EPN3: variants seen among roughly 807,000 people sequenced by gnomAD.
EPN3 encodes epsin-3.
A neutral mutation model predicts 55.5 loss-of-function variants in EPN3; 56 were observed. That is an observed-to-expected ratio of 1.01 (90% CI 0.81 to 1.26). The LOEUF is 1.26. Ranked by LOEUF, EPN3 falls within the 50% of genes most tolerant of loss-of-function variation. EPN3 has a pLI of 0.00. For missense variants in EPN3, 927 were observed against 853.4 expected, an observed-to-expected ratio of 1.09 and a Z score of -1.07; for synonymous variants, 449 against 375.2, an observed-to-expected ratio of 1.20 and a Z score of -2.27.
chr17:50,541,013 C>T lies in EPN3; in HGVS notation c.1200C>T (p.Ser400=). ...ACTCTCCCCACCACAAACTCCCCAG[C>T]ACTGGGGCTGACCCTTGGGGAGCCT... ...ALNSPHHKLP[S]TGADPWGASL... Residue 400 remains serine, a synonymous_variant, in exon 7 of 10, where the codon AGC becomes AGT. Transcript: ENST00000268933. 6.2e-7 allele frequency: 1 copy of T among 1,603,322 alleles called. No homozygotes were observed.
In EPN3 at chr17:50,532,977, G is replaced by A. The variant is rs749594071; in HGVS notation, c.-145G>A. On this transcript the variant is annotated 5_prime_UTR_variant, in exon 1 of 10. Coordinates refer to ENST00000268933, the MANE Select transcript of EPN3 (RefSeq NM_017957.3). ...GCTGGGGCTGGGGCCGAGGGAGCCC[G>A]CACTGGAGGTAAGCTTCCTCCCTGG... 16 of 1,284,662 alleles carry A rather than the reference G, an allele frequency of 1.2e-5. No individual in the cohort carries two copies. The highest frequency in any genetic ancestry group is 2.3e-4 in the Middle Eastern group (1 of 4,440). 79.6% of individuals were successfully genotyped at this position (1,284,662 alleles called of 1,614,324 possible).
Position 50,542,144 on chromosome 17 carries a change from A to G in EPN3, c.1886A>G (p.Asn629Ser), listed in dbSNP as rs904673488. The G allele has an allele frequency of 1.7e-5, 26 of 1,504,718 alleles. No individual in the cohort carries two copies. Among genetic ancestry groups the G allele is most frequent in the Non-Finnish European group, 2.3e-5 (26 of 1,135,774 alleles). 93.2% of individuals were successfully genotyped at this position (1,504,718 alleles called of 1,614,324 possible). Reference protein sequence around the residue: ...PRPPPPQTGTNPFL With the variant: ...PRPPPPQTGTSPFL ...CCCCCGCCCCCGCAGACCGGCACCA[A>G]CCCCTTCCTCTGAGCCCCGCCCCGT... is the stretch of plus-strand genomic sequence containing the variant. The change falls in exon 10 of 10, where the codon AAC becomes AGC. Residue 629 changes from asparagine (N) to serine (S), a missense_variant. Physicochemically the swap from Asn to Ser is conservative, Grantham distance 46. Transcript: ENST00000268933.
Position 50,542,164 on chromosome 17 carries a change from C to A in EPN3, c.*7C>A, listed in dbSNP as rs761774562. The A allele has an allele frequency of 3.6e-5, 54 of 1,487,042 alleles. No homozygotes were observed. The highest frequency in any genetic ancestry group is 1.5e-5 in the African/African-American group (1 of 68,118). The allele number at this position is 1,487,042 out of a possible 1,614,324, so 92.1% of individuals were successfully genotyped here. ...CACCAACCCCTTCCTCTGAGCCCCGCCCCGTCCCATACCGGCCTGCGCCTG... is the reference window on the plus strand; with the variant it reads ...CACCAACCCCTTCCTCTGAGCCCCGACCCGTCCCATACCGGCCTGCGCCTG... On this transcript the variant is annotated 3_prime_UTR_variant, in exon 10 of 10. Coordinates refer to ENST00000268933, the MANE Select transcript of EPN3 (RefSeq NM_017957.3).
In EPN3 at chr17:50,540,232, C is replaced by T; in HGVS notation, c.892-15C>T. ...CCGCCCACTTCTGAGCCGCGGCTGC[C>T]TCTCCCCTCCACAGTCCTCCATCCT... On this transcript the variant is annotated splice_polypyrimidine_tract_variant and intron_variant, in intron 5 of 9. Transcript: ENST00000268933. The T allele has an allele frequency of 6.2e-7, 1 of 1,610,204 alleles. No homozygotes were observed. Among genetic ancestry groups the T allele is most frequent in the South Asian group, 1.1e-5 (1 of 91,000 alleles).
chr17:50,541,285 G>T lies in EPN3; in HGVS notation c.1306G>T (p.Glu436Ter), dbSNP rs2034845378. Reference protein sequence around the residue: ...AKPPESTETKEGLEQALPSGK... With the variant: ...AKPPESTETK ...ACCTCCAGAATCCACAGAGACCAAGGAGGGGCTGGAGCAGGCCCTGCCCTC... is the reference window on the plus strand; with the variant it reads ...ACCTCCAGAATCCACAGAGACCAAGTAGGGGCTGGAGCAGGCCCTGCCCTC... The change falls in exon 8 of 10, where the codon GAG becomes TAG. Residue 436 changes from glutamate (E) to a stop codon, truncating the protein, a stop_gained. Coordinates refer to ENST00000268933, the MANE Select transcript of EPN3 (RefSeq NM_017957.3). LOFTEE classifies it high-confidence loss of function. 2 of 1,613,288 alleles carry T rather than the reference G, an allele frequency of 1.2e-6. No homozygotes were observed. The highest frequency in any genetic ancestry group is 1.1e-5 in the South Asian group (1 of 91,082).
Position 50,537,049 on chromosome 17 carries a change from C to A in EPN3, c.493C>A (p.Gln165Lys). 6.2e-7 allele frequency: 1 copy of A among 1,612,146 alleles called. No homozygotes were observed. Among genetic ancestry groups the A allele is most frequent in the East Asian group, 2.2e-5 (1 of 44,856 alleles). Residue 165 changes from glutamine to lysine, a missense_variant, in exon 2 of 10, where the codon CAG becomes AAG. By Grantham distance (53) the Gln-to-Lys change is moderately conservative. Transcript: ENST00000268933. ...ALEGIGIGSG[Q>K]LGFSRRYGED... ...GGAGGGCATCGGCATTGGCAGTGGG[C>A]AGCTGGGCTTCAGCCGCCGCTACGG...
Position 50,538,082 on chromosome 17 carries a change from C to A in EPN3, c.566C>A (p.Ser189Tyr), listed in dbSNP as rs780948837. The change falls in exon 3 of 10, where the codon TCC becomes TAC. Residue 189 changes from serine to tyrosine, a missense_variant. Coordinates refer to ENST00000268933, the MANE Select transcript of EPN3 (RefSeq NM_017957.3). The part of the protein sequence containing the change: ...SRGSPSSYNS[S>Y]SSSPRYTSDL... ...AGAGACATGATGGTCATTGCAGCCT[C>A]CTCTTCGTCACCCCGCTATACCTCC... 1 of 1,613,538 alleles carries A rather than the reference C, an allele frequency of 6.2e-7. No individual in the cohort carries two copies. The highest frequency in any genetic ancestry group is 8.5e-7 in the Non-Finnish European group (1 of 1,179,566).
At chr17:50,539,125 A>C (rs1388140542) in intron 4 of EPN3, 62 bp from the exon 5 acceptor site, 1 of 1,602,574 alleles carries the variant, frequency 6.2e-7, no homozygotes, top group African/African-American at 1.3e-5. Flanking sequence ...CCTCTGGTGC[A>C]CAGGTCCCCG....
chr17:50,534,907 G>A (rs192438271), intron 1 of EPN3, among the ~76,000 whole-genome samples: 1 of 152,074 alleles, frequency 6.6e-6, no homozygotes, highest in African/African-American at 2.4e-5. Context: ...GAGCCGAAAG[G>A]TGTTTGGTGG....
Position 50,541,023 on chromosome 17 carries a change from G to C in EPN3, c.1210G>C (p.Asp404His). ...CCACAAACTCCCCAGCACTGGGGCTGACCCTTGGGGAGCCTCCCTGGAGAC... is the reference window on the plus strand; with the variant it reads ...CCACAAACTCCCCAGCACTGGGGCTCACCCTTGGGGAGCCTCCCTGGAGAC... ...PHHKLPSTGA[D>H]PWGASLETSD... The change falls in exon 7 of 10, where the codon GAC (aspartate) becomes CAC (histidine). Residue 404 changes from aspartate to histidine, a missense_variant. By Grantham distance (81) the Asp-to-His change is moderately conservative. Transcript: ENST00000268933. 2 of 1,595,402 alleles carry C rather than the reference G, an allele frequency of 1.3e-6. No homozygotes were observed. Among genetic ancestry groups the C allele is most frequent in the Non-Finnish European group, 8.5e-7 (1 of 1,170,724 alleles).
chr17:50,537,081 C>T lies in EPN3; in HGVS notation c.525C>T (p.Asp175=). 2 of 1,610,288 alleles carry T rather than the reference C, an allele frequency of 1.2e-6. No individual in the cohort carries two copies. Among genetic ancestry groups the T allele is most frequent in the South Asian group, 2.2e-5 (2 of 90,886 alleles). ...QLGFSRRYGE[D]YSRSRGSPSS... The stretch of plus-strand genomic sequence containing the variant: ...GCTTCAGCCGCCGCTACGGCGAGGA[C>T]TACAGCCGCTCCCGGGGCTCCCCGT... The change falls in exon 2 of 10, where the codon GAC becomes GAT. Residue 175 remains aspartate (D), a synonymous_variant. Coordinates refer to ENST00000268933, the MANE Select transcript of EPN3 (RefSeq NM_017957.3).
chr17:50,534,330 G>A, intron 1 of EPN3: 1 of 838,042 alleles, frequency 1.2e-6, no homozygotes, highest in Non-Finnish European at 1.4e-6. Context: ...CCCACACCGA[G>A]AGTCCCCTCC....
chr17:50,541,601 T>C lies in EPN3; in HGVS notation c.1492T>C (p.Ser498Pro), dbSNP rs369862029. 6 of 1,613,874 alleles carry C rather than the reference T, an allele frequency of 3.7e-6. No individual in the cohort carries two copies. In the African/African-American group the frequency reaches 6.7e-5, roughly 18 times the overall value. Residue 498 changes from serine to proline, a missense_variant, in exon 9 of 10, where the codon TCC becomes CCC. By Grantham distance (74) the Ser-to-Pro change is moderately conservative. Transcript: ENST00000268933. ...KEARACRTPESFLGPSASSLV... is the reference protein window; with the variant it reads ...KEARACRTPEPFLGPSASSLV... ...GGCCCGAGCTTGCCGGACTCCCGAG[T>C]CCTTCCTGGGTCCCTCAGCTTCCTC...
chr17:50,543,101 C>T lies in EPN3; in HGVS notation c.*944C>T, dbSNP rs572172875. On this transcript the variant is annotated 3_prime_UTR_variant, in exon 10 of 10. Coordinates refer to ENST00000268933, the MANE Select transcript of EPN3 (RefSeq NM_017957.3). ...GCTGTGGACAAAGTGCTGGGCTCAC[C>T]TTGGAGGGATCCAACCTCCAGGAGC... 6.6e-6 allele frequency: 1 copy of T among 152,356 alleles called. No homozygotes were observed. The highest frequency in any genetic ancestry group is 1.9e-4 in the East Asian group (1 of 5,186). The allele number at this position is 152,356 out of a possible 1,614,324, so 9.4% of individuals were successfully genotyped here.
At chr17:50,535,551 TTCACTCCTCC>T (rs2034746933) in intron 1 of EPN3, among the ~76,000 whole-genome samples, 2 of 152,166 alleles carry the variant, frequency 1.3e-5, no homozygotes, top group South Asian at 4.1e-4. Context: ...GACTTGCTGG[TTCACTCCTCC>T]TTACTCTTCC....
intron 1 of EPN3, chr17:50,534,543 C>G (rs1250005944): frequency 1.0e-6 from 1 of 985,378 alleles, no homozygotes; most frequent in Non-Finnish European, 1.2e-6. Flanking sequence ...GAGGTGAAGG[C>G]AGGTCTGAGT....
At chr17:50,534,879 G>A (rs1292017424) in intron 1 of EPN3, among the ~76,000 whole-genome samples, 1 of 152,186 alleles carries the variant, frequency 6.6e-6, no homozygotes, top group African/African-American at 2.4e-5. Context: ...GTTGGGGCAC[G>A]GGCTGGGATG....
In EPN3 at chr17:50,541,225, C is replaced by A; in HGVS notation, c.1250-4C>A. 2 of 1,613,690 alleles carry A rather than the reference C, an allele frequency of 1.2e-6. No individual in the cohort carries two copies. Among genetic ancestry groups the A allele is most frequent in the Non-Finnish European group, 1.7e-6 (2 of 1,179,996 alleles). On this transcript the variant is annotated splice_region_variant and splice_polypyrimidine_tract_variant and intron_variant, in intron 7 of 9. Transcript: ENST00000268933. ...CCATCTCCTCTTCCTCTCTCTCTTC[C>A]GAGGTGGTGCCTCGACCTTTGACCC...
At position 50,537,077 on chromosome 17, in the gene EPN3, AG is replaced by A. The variant is rs1303065328; in HGVS notation, c.523del (p.Asp175ThrfsTer46). ...GQLGFSRRYGEDYSRSRGSPS... is the reference protein window; with the variant it reads ...GQLGFSRRYGXDYSRSRGSPS... ...CTGGGCTTCAGCCGCCGCTACGGCG[AG>A]GACTACAGCCGCTCCCGGGGCTCCC... On this transcript the variant is annotated frameshift_variant, in exon 2 of 10. Transcript: ENST00000268933. LOFTEE classifies it high-confidence loss of function. 1 of 1,611,318 alleles carries A rather than the reference AG, an allele frequency of 6.2e-7. No individual in the cohort carries two copies. The highest frequency in any genetic ancestry group is 8.5e-7 in the Non-Finnish European group (1 of 1,179,646).
Sources: allele counts gnomAD v4.1 joint callset (sites outside exome capture counted in the v4.1 genomes callset), GRCh38; gene constraint gnomAD v4.1.1; transcripts MANE v1.5; gene names NCBI Gene and HGNC (gene_info 2026-07-23, HGNC 2026-07-21).